The following NUP160 variants were observed in gnomAD, a reference collection of about 807,000 sequenced individuals.
The protein encoded by NUP160 is nuclear pore complex protein Nup160.
A neutral mutation model predicts 196.9 loss-of-function variants in NUP160; 94 were observed. That is an observed-to-expected ratio of 0.48 (90% CI 0.40 to 0.57). The LOEUF is 0.57. NUP160 is among the 20% of genes least tolerant of loss of function. The pLI, the probability that NUP160 is intolerant of heterozygous loss-of-function variation, is 0.00. For synonymous variants in NUP160, 605 were observed against 619.7 expected (o/e 0.98, Z 0.35); for missense variants, 1,638 against 1,748.3 (o/e 0.94, Z 1.13).
chr11:47,809,298 A>T (rs907641077), intron 17 of NUP160, among the ~76,000 whole-genome samples: 1 of 151,820 alleles, frequency 6.6e-6, no homozygotes, highest in Non-Finnish European at 1.5e-5. Flanking sequence ...ACACAGGGAA[A>T]TCTAAATTCT....
chr11:47,833,002 A>G (rs1047625834), intron 7 of NUP160, among the ~76,000 whole-genome samples: 24 of 152,208 alleles, frequency 1.6e-4, no homozygotes, highest in African/African-American at 5.3e-4. Flanking sequence ...GGGGAAGGGA[A>G]GAATGATAGC....
intron 2 of NUP160, among the ~76,000 whole-genome samples, chr11:47,844,538 T>C (rs973928200): frequency 6.6e-6 from 1 of 152,178 alleles, no homozygotes; most frequent in East Asian, 1.9e-4. Flanking sequence ...TATTCCTTTT[T>C]CTTGGAAGGC....
At chr11:47,843,928 C>T (rs1004016209) in intron 2 of NUP160, among the ~76,000 whole-genome samples, 3 of 152,200 alleles carry the variant, frequency 2.0e-5, no homozygotes, top group African/African-American at 4.8e-5. Context: ...TCTCAGATTA[C>T]ACCTGTCCAA....
At chr11:47,821,488 G>A (rs900641709) in intron 9 of NUP160, 3 of 434,418 alleles carry the variant, frequency 6.9e-6, no homozygotes, top group South Asian at 3.2e-5. Flanking sequence ...CTTGCCTCCC[G>A]AGGAGCTGGG....
chr11:47,793,592 T>C (rs1385886414), intron 27 of NUP160, among the ~76,000 whole-genome samples: 8 of 152,142 alleles, frequency 5.3e-5, no homozygotes, highest in Non-Finnish European at 8.8e-5. Context: ...GAGATATTTC[T>C]ACACCCATGT....
intron 7 of NUP160, among the ~76,000 whole-genome samples, chr11:47,825,867 A>G (rs542968806): frequency 6.6e-6 from 1 of 152,312 alleles, no homozygotes; most frequent in East Asian, 1.9e-4. Context: ...TACAGGCGTG[A>G]GCCACCAAGT....
chr11:47,806,371 A>C (rs190668935), intron 19 of NUP160, 59 bp from the exon 20 acceptor site: 1 of 1,338,364 alleles, frequency 7.5e-7, no homozygotes, highest in East Asian at 2.3e-5. Flanking sequence ...TTTCAATTAA[A>C]ATAGTCTATC....
chr11:47,825,825 C>CGA (rs1851955524), intron 7 of NUP160, among the ~76,000 whole-genome samples: 1 of 152,190 alleles, frequency 6.6e-6, no homozygotes, highest in African/African-American at 2.4e-5. Flanking sequence ...CTCAGGTGAT[C>CGA]TGCCCACCTC....
intron 2 of NUP160, among the ~76,000 whole-genome samples, chr11:47,846,236 CAA>C (rs1331175734): frequency 1.3e-5 from 2 of 151,980 alleles, no homozygotes; most frequent in African/African-American, 4.8e-5. Context: ...CTCAGCCCCC[CAA>C]AGTGCTGGGA....
At chr11:47,798,441 A>G (rs1474233392) in exon 24 of NUP160, 3 of 1,601,330 alleles carry the variant, frequency 1.9e-6, no homozygotes, top group Admixed American at 1.7e-5. Context: ...AGGCAAACCA[A>G]TGACATCTAG....
chr11:47,794,221 C>T (rs115641683), intron 27 of NUP160, among the ~76,000 whole-genome samples: 5,065 of 152,254 alleles, frequency 0.033, 282 homozygotes, highest in African/African-American at 0.12. Context: ...ATAGCGGGCG[C>T]GGTGGCTCAT....
At chr11:47,789,094 CTTAAACTCCTG>C (rs1334118062) in intron 29 of NUP160, among the ~76,000 whole-genome samples, 1 of 152,116 alleles carries the variant, frequency 6.6e-6, no homozygotes, top group East Asian at 1.9e-4. Flanking sequence ...CCAGGCTGTT[CTTAAACTCCTG>C]ACCTCAGGTG....
intron 7 of NUP160, among the ~76,000 whole-genome samples, chr11:47,824,008 CATATATATATATATAT>C (rs58246222): frequency 1.0e-3 from 73 of 73,122 alleles, no homozygotes; most frequent in African/African-American, 2.9e-3. Context: ...AATTCTTTTG[CATATATATATATATAT>C]ATATATATAT....
intron 13 of NUP160, among the ~76,000 whole-genome samples, chr11:47,814,220 G>C (rs140098285): frequency 8.2e-4 from 125 of 151,728 alleles, no homozygotes; most frequent in Non-Finnish European, 1.2e-3. Flanking sequence ...GAAAGACAAA[G>C]AAACGCTGAT....
At position 47,798,184 on chromosome 11, in the gene NUP160, T is replaced by C. The variant is rs2097671966; in HGVS notation, c.3070A>G (p.Ile1024Val). The C allele has an allele frequency of 6.2e-7, 1 of 1,611,814 alleles. No individual in the cohort carries two copies. The highest frequency in any genetic ancestry group is 1.7e-5 in the Admixed American group (1 of 59,526). ...TGAAATTACCTGCTGGAATCAGGAA[T>C]TTGGGTTAAGGCTTCATATGCTTGG... The change falls in exon 25 of 36, where the codon ATT becomes GTT. Residue 1024 changes from isoleucine to valine, a missense_variant. Ile to Val is a conservative substitution (Grantham distance 29, BLOSUM62 3). This residue lies in a region of NUP160 where 1,345 missense variants were observed against 1,470.2 expected (regional missense o/e 0.91). Coordinates refer to ENST00000378460, the Ensembl canonical transcript of NUP160.
intron 7 of NUP160, among the ~76,000 whole-genome samples, chr11:47,822,598 A>G (rs550043730): frequency 2.4e-3 from 370 of 151,594 alleles, no homozygotes; most frequent in Middle Eastern, 0.014. Context: ...AATACTTTAA[A>G]TTCTAGGTTA....
chr11:47,791,771 T>A (rs1474582836), intron 29 of NUP160, among the ~76,000 whole-genome samples, 159 bp downstream of exon 29: 2 of 152,198 alleles, frequency 1.3e-5, no homozygotes, highest in Non-Finnish European at 2.9e-5. Flanking sequence ...GTGCCTGCAG[T>A]TAAAACTTGT....
chr11:47,822,261 A>AAT, intron 7 of NUP160, 97 bp from the exon 8 acceptor site: 10 of 615,246 alleles, frequency 1.6e-5, no homozygotes, highest in Admixed American at 3.5e-5. Flanking sequence ...TTAAAAAAAA[A>AAT]TTTTTTTTTT....
chr11:47,808,269 C>T (rs568108734), intron 18 of NUP160, 127 bp downstream of exon 18: 17 of 823,386 alleles, frequency 2.1e-5, no homozygotes, highest in Admixed American at 2.5e-5. Context: ...TGAGAGAGAG[C>T]GAGACTCTGT....
Sources: allele counts gnomAD v4.1 joint callset (sites outside exome capture counted in the v4.1 genomes callset), GRCh38; gene constraint gnomAD v4.1.1; regional missense constraint gnomAD v4.1.1; transcripts MANE v1.5; gene names NCBI Gene and HGNC (gene_info 2026-07-23, HGNC 2026-07-21).